Variants in CTDP1 observed in about 807,000 individuals in gnomAD.
CTDP1 encodes the protein RNA polymerase II subunit A C-terminal domain phosphatase.
Under a neutral mutation model 91.8 loss-of-function variants are expected in CTDP1, and 47 were observed. The ratio of observed to expected loss-of-function variants is 0.51; its 90% CI spans 0.41 to 0.65. The LOEUF (loss-of-function observed/expected upper bound fraction) is 0.65. CTDP1 is among the 30% of genes least tolerant of loss of function. The pLI, the probability that CTDP1 is intolerant of heterozygous loss-of-function variation, is 0.00. For synonymous variants in CTDP1, 656 were observed against 598.5 expected (o/e 1.10, Z -1.40); for missense variants, 1,272 against 1,373.7 (o/e 0.93, Z 1.17).
intron 12 of CTDP1, among the ~76,000 whole-genome samples, chr18:79,746,332 C>T (rs1417658146): frequency 6.9e-6 from 1 of 145,930 alleles, no homozygotes; most frequent in Non-Finnish European, 1.5e-5. Flanking sequence ...TCCCCGCGTC[C>T]CTCCCGTGCG....
intron 2 of CTDP1, among the ~76,000 whole-genome samples, chr18:79,695,551 G>A (rs182648566): frequency 5.5e-4 from 84 of 152,310 alleles, no homozygotes; most frequent in African/African-American, 1.8e-3. Flanking sequence ...CTGGAGGGCC[G>A]AGACCTGTTT....
intron 12 of CTDP1, among the ~76,000 whole-genome samples, chr18:79,736,853 A>G (rs2086679675): frequency 6.8e-6 from 1 of 146,390 alleles, no homozygotes; most frequent in South Asian, 2.3e-4. Flanking sequence ...AGGTGTCTAC[A>G]GGCGTGTGTG....
chr18:79,719,794 A>C (rs2086297502), intron 10 of CTDP1, among the ~76,000 whole-genome samples: 1 of 136,890 alleles, frequency 7.3e-6, no homozygotes. Context: ...CCTGGTGATG[A>C]TGTCACCTCC....
intron 12 of CTDP1, among the ~76,000 whole-genome samples, chr18:79,748,549 C>A (rs935612313): frequency 4.6e-5 from 7 of 152,238 alleles, no homozygotes; most frequent in African/African-American, 1.4e-4. Context: ...AGCATTCTTA[C>A]CAGCATCGTG....
rs1197934575 is a variant in CTDP1 at position 79,754,094 on chromosome 18, T to C, written c.*304T>C. 2.3e-6 allele frequency: 1 copy of C among 437,900 alleles called. No homozygotes were observed. Among genetic ancestry groups the C allele is most frequent in the Non-Finnish European group, 4.3e-6 (1 of 234,668 alleles). The allele number at this position is 437,900 out of a possible 1,614,324, so 27.1% of individuals were successfully genotyped here. Reference sequence around the variant, plus strand: ...GCTGTCTCGGTAAGGGGCGGGTTGGTGTGTTTTCCCCTTGTGTACCAGAGC... The same window carrying C: ...GCTGTCTCGGTAAGGGGCGGGTTGGCGTGTTTTCCCCTTGTGTACCAGAGC... On this transcript the variant is annotated 3_prime_UTR_variant, in exon 13 of 13. Transcript: ENST00000613122.
intron 1 of CTDP1, 78 bp from the exon 2 acceptor site, chr18:79,695,147 T>C: frequency 7.2e-7 from 1 of 1,386,616 alleles, no homozygotes; most frequent in Non-Finnish European, 1.0e-6. Context: ...AAAACCTAGA[T>C]TTTAAAATTC....
chr18:79,754,066 C>A lies in CTDP1; in HGVS notation c.*276C>A. The A allele has an allele frequency of 2.0e-6, 1 of 491,342 alleles. No homozygotes were observed. Among genetic ancestry groups the A allele is most frequent in the Non-Finnish European group, 3.7e-6 (1 of 269,416 alleles). The allele number at this position is 491,342 out of a possible 1,614,324, so 30.4% of individuals were successfully genotyped here. Reference sequence around the variant, plus strand: ...GGCTCACGTGGCCCAGGCTGGTGCGCCCGCTGTCTCGGTAAGGGGCGGGTT... The same window carrying A: ...GGCTCACGTGGCCCAGGCTGGTGCGACCGCTGTCTCGGTAAGGGGCGGGTT... On this transcript the variant is annotated 3_prime_UTR_variant, in exon 13 of 13. Coordinates refer to ENST00000613122, the MANE Select transcript of CTDP1 (RefSeq NM_004715.5).
chr18:79,678,939 GAAGTGCTGAGCCTCCCA>G (rs779671430), upstream of CTDP1: 18 of 179,352 alleles, frequency 1.0e-4, no homozygotes, highest in Admixed American at 1.8e-4. Flanking sequence ...ACAGCCTCCC[GAAGTGCTGAGCCTCCCA>G]AAGTGCTGAG....
chr18:79,682,357 C>G (rs2085391634), intron 1 of CTDP1, among the ~76,000 whole-genome samples: 1 of 152,208 alleles, frequency 6.6e-6, no homozygotes, highest in Admixed American at 6.5e-5. Flanking sequence ...TCTGGCAGCA[C>G]CCCTGTGATG....
In CTDP1 at chr18:79,704,853, C is replaced by T. The variant is rs139050858; in HGVS notation, c.708C>T (p.Ile236=). 1,525 of 1,613,996 alleles carry T rather than the reference C, an allele frequency of 9.4e-4. 8 individuals are homozygous for T. In the African/African-American group the frequency reaches 0.015, roughly 15 times the overall value. ...ACTGCAAGGACTTCCTGGAGAAGAT[C>T]GCCAAGCTGTACGAGCTGCACGTCT... is the stretch of plus-strand genomic sequence containing the variant. ...RPHCKDFLEK[I]AKLYELHVFT... The change falls in exon 5 of 13, where the codon ATC becomes ATT. Residue 236 remains isoleucine, a synonymous_variant. Transcript: ENST00000613122.
intron 8 of CTDP1, 128 bp downstream of exon 8, chr18:79,715,656 T>C: frequency 9.4e-7 from 1 of 1,061,932 alleles, no homozygotes. Flanking sequence ...ATCACCATCT[T>C]TTAAGAATAG....
upstream of CTDP1, chr18:79,677,623 G>A (rs1052584882): frequency 6.6e-6 from 1 of 152,310 alleles, no homozygotes; most frequent in African/African-American, 2.4e-5. Flanking sequence ...TCAGGCTACA[G>A]CTGAGTAGTG....
At chr18:79,707,782 T>C (rs2085997762) in intron 5 of CTDP1, among the ~76,000 whole-genome samples, 1 of 152,180 alleles carries the variant, frequency 6.6e-6, no homozygotes, top group Admixed American at 6.5e-5. Flanking sequence ...TGGGTCAGCT[T>C]TTCTACAAGT....
chr18:79,707,128 G>T lies in CTDP1; in HGVS notation c.772+2211G>T, dbSNP rs550492812. On this transcript the variant is annotated intron_variant, in intron 5 of 12. Transcript: ENST00000613122. ...TGAGGAGGAGCATGTGGAAGGCTCGGATCTGTTTAAATGCTTGGCTGGAGG... is the reference window on the plus strand; with the variant it reads ...TGAGGAGGAGCATGTGGAAGGCTCGTATCTGTTTAAATGCTTGGCTGGAGG... Among the ~76,000 whole-genome samples, 10 of 152,310 alleles carry T rather than the reference G, an allele frequency of 6.6e-5. No individual in the cohort carries two copies. In the South Asian group the frequency reaches 2.1e-3, roughly 32 times the overall value.
chr18:79,690,306 G>A (rs1446222754), intron 1 of CTDP1, among the ~76,000 whole-genome samples: 1 of 152,170 alleles, frequency 6.6e-6, no homozygotes, highest in African/African-American at 2.4e-5. Context: ...ACAGAGTTTG[G>A]TACTTACTAT....
Position 79,704,886 on chromosome 18 carries a change from C to T in CTDP1, c.741C>T (p.Phe247=), listed in dbSNP as rs540277905. The T allele has an allele frequency of 2.7e-5, 43 of 1,613,596 alleles. No individual in the cohort carries two copies. Among genetic ancestry groups the T allele is most frequent in the Middle Eastern group, 1.6e-4 (1 of 6,062 alleles). The part of the protein sequence containing the change: ...AKLYELHVFT[F]GSRLYAHTIA... ...TGTACGAGCTGCACGTCTTCACCTTCGGCAGCCGGCTGTACGCACACACCA... is the reference window on the plus strand; with the variant it reads ...TGTACGAGCTGCACGTCTTCACCTTTGGCAGCCGGCTGTACGCACACACCA... The change falls in exon 5 of 13, where the codon TTC becomes TTT. Residue 247 remains phenylalanine (F), a synonymous_variant. Transcript: ENST00000613122.
chr18:79,677,764 T>A (rs749491857), upstream of CTDP1: 2 of 152,216 alleles, frequency 1.3e-5, no homozygotes, highest in Non-Finnish European at 2.9e-5. Flanking sequence ...CACCATCCAG[T>A]AGTCTGTAAA....
chr18:79,707,190 C>T (rs2085983882), intron 5 of CTDP1, among the ~76,000 whole-genome samples: 1 of 152,186 alleles, frequency 6.6e-6, no homozygotes, highest in African/African-American at 2.4e-5. Context: ...AGGTTTTAGC[C>T]GGGCTACACC....
rs114682075 is a variant in CTDP1, at chr18:79,723,818, C to T, written c.2418-5089C>T. Among the ~76,000 whole-genome samples the T allele has an allele frequency of 9.8e-4, 150 of 152,312 alleles. 1 individual carries two copies. The highest frequency in any genetic ancestry group is 3.4e-3 in the African/African-American group (141 of 41,570). On this transcript the variant is annotated intron_variant, in intron 10 of 12. Transcript: ENST00000613122. ...ACCCTTGGCCCTCCACCTGCTGTCCCTCCCTGCACCGCGCCCTCTCCGGAG... is the reference window on the plus strand; with the variant it reads ...ACCCTTGGCCCTCCACCTGCTGTCCTTCCCTGCACCGCGCCCTCTCCGGAG...
Sources: gnomAD v4.1 joint callset for allele counts (sites outside exome capture counted in the v4.1 genomes callset) on GRCh38, gnomAD v4.1.1 for gene constraint, MANE v1.5 for transcripts, NCBI Gene and HGNC (gene_info 2026-07-23, HGNC 2026-07-21) for gene names.